SMAD3: variants seen among roughly 807,000 people sequenced by gnomAD.
SMAD3 encodes the protein MAD homolog 3.
In SMAD3, 12 loss-of-function variants were observed where a neutral mutation model predicts 51.8. The ratio of observed to expected loss-of-function variants is 0.23; its 90% CI spans 0.15 to 0.38. The LOEUF is 0.38. Among genes scored for constraint, SMAD3 ranks in the 10% least tolerant of loss-of-function variants. The pLI is 1.00. For synonymous variants in SMAD3, 238 were observed against 227.7 expected (o/e 1.05, Z -0.41); for missense variants, 294 against 565.6 (o/e 0.52, Z 4.87).
chr15:67,074,177 A>G (rs1960117427), intron 1 of SMAD3, among the ~76,000 whole-genome samples: 1 of 152,240 alleles, frequency 6.6e-6, no homozygotes, highest in South Asian at 2.1e-4. Flanking sequence ...CTGTGAGTCT[A>G]AATCAGTGAA....
rs1379953736 is a variant in SMAD3 at position 67,191,216 on chromosome 15, TCTTTAAAAACTCACTTA to T, written c.*682_*698del. The T allele has an allele frequency of 4.3e-6, 1 of 233,628 alleles. No homozygotes were observed. Among genetic ancestry groups the T allele is most frequent in the African/African-American group, 2.2e-5 (1 of 45,328 alleles). 14.5% of individuals were successfully genotyped at this position (233,628 alleles called of 1,614,324 possible). A position where few individuals can be genotyped will look rare whatever the true frequency, so the allele number is the denominator to read the frequency against. On this transcript the variant is annotated 3_prime_UTR_variant, in exon 9 of 9. Coordinates refer to ENST00000327367, the MANE Select transcript of SMAD3 (RefSeq NM_005902.4). ...GCGGGAAAAATCGATGAGCGCCACC[TCTTTAAAAACTCACTTA>T]CGTTTGTCCTTTTTCACTTTGAAAA...
intron 1 of SMAD3, chr15:67,128,032 A>G (rs1268497696): frequency 2.6e-5 from 4 of 152,242 alleles, no homozygotes; most frequent in Non-Finnish European, 5.9e-5. Context: ...CAGGAAGTTC[A>G]TAGGCAACAA....
At chr15:67,104,893 A>G (rs1960842621) in intron 1 of SMAD3, among the ~76,000 whole-genome samples, 1 of 152,234 alleles carries the variant, frequency 6.6e-6, no homozygotes, top group African/African-American at 2.4e-5. Context: ...TAGTACTGAA[A>G]GCTGCTTCCC....
chr15:67,138,175 C>A, intron 1 of SMAD3: 1 of 1,149,236 alleles, frequency 8.7e-7, no homozygotes, highest in Non-Finnish European at 1.3e-6. Flanking sequence ...GGGTTGCTGG[C>A]CAGAGATCTG....
chr15:67,195,097 G>A lies in SMAD3; in HGVS notation c.*4561G>A. ...CCTGTTTAAGCATTGTACCCCTATT[G>A]TTAAAGATTTGTGTCCTCTCATTCC... On this transcript the variant is annotated 3_prime_UTR_variant, in exon 9 of 9. Coordinates refer to ENST00000327367, the MANE Select transcript of SMAD3 (RefSeq NM_005902.4). 4.3e-6 allele frequency: 1 copy of A among 233,374 alleles called. No individual in the cohort carries two copies. The highest frequency in any genetic ancestry group is 6.0e-5 in the East Asian group (1 of 16,682). The allele number at this position is 233,374 out of a possible 1,614,324, so 14.5% of individuals were successfully genotyped here.
intron 1 of SMAD3, among the ~76,000 whole-genome samples, chr15:67,090,894 A>C (rs918822772): frequency 7.9e-5 from 12 of 152,196 alleles, no homozygotes; most frequent in African/African-American, 2.9e-4. Context: ...TGTTTGGTCC[A>C]AGGCCAAGCC....
At chr15:67,137,184 A>T (rs2033787) in intron 1 of SMAD3, among the ~76,000 whole-genome samples, 1 of 152,088 alleles carries the variant, frequency 6.6e-6, no homozygotes, top group Non-Finnish European at 1.5e-5. Context: ...TTTCTGAAAA[A>T]GGACAAGGGT....
intron 1 of SMAD3, among the ~76,000 whole-genome samples, chr15:67,144,772 C>T (rs1035885248): frequency 1.3e-5 from 2 of 152,202 alleles, no homozygotes; most frequent in Non-Finnish European, 2.9e-5. Flanking sequence ...AGGCTTGTGG[C>T]CTGATGCACG....
chr15:67,096,809 C>T (rs115956613), intron 1 of SMAD3, among the ~76,000 whole-genome samples: 2,043 of 152,164 alleles, frequency 0.013, 48 homozygotes, highest in African/African-American at 0.047. Flanking sequence ...TCCTGGGTTG[C>T]GGAGCTAAGA....
chr15:67,184,008 G>A (rs1207320131), intron 6 of SMAD3, among the ~76,000 whole-genome samples: 1 of 152,028 alleles, frequency 6.6e-6, no homozygotes, highest in Non-Finnish European at 1.5e-5. Flanking sequence ...TAATAGTGGG[G>A]TAGTAGTAGC....
chr15:67,186,156 G>T (rs1963217758), intron 7 of SMAD3, among the ~76,000 whole-genome samples: 2 of 152,236 alleles, frequency 1.3e-5, no homozygotes, highest in Admixed American at 6.5e-5. Flanking sequence ...AGCGCACACA[G>T]CTAGTAAGTG....
At chr15:67,172,429 C>T (rs1962777553) in intron 5 of SMAD3, among the ~76,000 whole-genome samples, 2 of 152,240 alleles carry the variant, frequency 1.3e-5, no homozygotes, top group African/African-American at 4.8e-5. Flanking sequence ...CTGGCTTCCC[C>T]TCTGCTTCAT....
chr15:67,192,416 C>T lies in SMAD3; in HGVS notation c.*1880C>T, dbSNP rs144205938. The stretch of plus-strand genomic sequence containing the variant: ...AAACCCCTCACTTCCTCTGAGAGGG[C>T]CAAATGCTGTGAGTCTGAAGTATGT... On this transcript the variant is annotated 3_prime_UTR_variant, in exon 9 of 9. Coordinates refer to ENST00000327367, the MANE Select transcript of SMAD3 (RefSeq NM_005902.4). 2.3e-3 allele frequency: 547 copies of T among 233,368 alleles called. 5 individuals are homozygous for T. Among genetic ancestry groups the T allele is most frequent in the South Asian group, 0.02 (110 of 5,528 alleles). The allele number at this position is 233,368 out of a possible 1,614,324, so 14.5% of individuals were successfully genotyped here. A position where few individuals can be genotyped will look rare whatever the true frequency, so the allele number is the denominator to read the frequency against.
chr15:67,105,195 G>C (rs995862929), intron 1 of SMAD3, among the ~76,000 whole-genome samples: 2 of 152,228 alleles, frequency 1.3e-5, no homozygotes, highest in African/African-American at 4.8e-5. Context: ...CTGAGCCTCA[G>C]TTTACTCCTT....
intron 1 of SMAD3, among the ~76,000 whole-genome samples, chr15:67,112,935 A>C (rs904397847): frequency 7.7e-6 from 1 of 130,406 alleles, no homozygotes; most frequent in Non-Finnish European, 1.6e-5. Flanking sequence ...ACCCTTGTAG[A>C]AAATCATTTG....
intron 1 of SMAD3, among the ~76,000 whole-genome samples, chr15:67,154,747 C>T (rs761644789): frequency 4.6e-5 from 7 of 152,212 alleles, no homozygotes; most frequent in Non-Finnish European, 5.9e-5. Flanking sequence ...TTTTATACTA[C>T]TACTAATCGT....
intron 1 of SMAD3, among the ~76,000 whole-genome samples, chr15:67,095,069 C>T (rs895262449): frequency 4.6e-5 from 7 of 152,008 alleles, no homozygotes; most frequent in African/African-American, 1.7e-4. Context: ...TTAGTGTTTA[C>T]CACCTTGCTG....
intron 1 of SMAD3, among the ~76,000 whole-genome samples, chr15:67,078,391 CATCAATCA>C (rs962330442): frequency 2.0e-5 from 3 of 152,162 alleles, no homozygotes; most frequent in Admixed American, 6.5e-5. Context: ...TGTTGATGAT[CATCAATCA>C]AGGCCAGGCT....
At chr15:67,166,936 T>TCTCC (rs566895152) in intron 4 of SMAD3, 83 bp downstream of exon 4, 15 of 1,026,816 alleles carry the variant, frequency 1.5e-5, no homozygotes, top group Non-Finnish European at 2.1e-5. Flanking sequence ...CTCTTCGCCC[T>TCTCC]CTCCCTCCCT....
Sources: allele counts gnomAD v4.1 joint callset (sites outside exome capture counted in the v4.1 genomes callset), GRCh38; gene constraint gnomAD v4.1.1; transcripts MANE v1.5; gene names NCBI Gene and HGNC (gene_info 2026-07-23, HGNC 2026-07-21).